KDM5B: variants seen among roughly 807,000 people sequenced by gnomAD.
The protein encoded by KDM5B is lysine demethylase 5B.
In KDM5B, 144 loss-of-function variants were observed where a neutral mutation model predicts 193.4. The ratio of observed to expected loss-of-function variants is 0.74; its 90% CI spans 0.65 to 0.86. The LOEUF (loss-of-function observed/expected upper bound fraction) is 0.86. KDM5B is among the 40% of genes least tolerant of loss of function. The probability of loss-of-function intolerance (pLI) is 0.00; values close to 1 mark genes in which losing one functional copy is unlikely to be tolerated. For synonymous variants in KDM5B, 668 were observed against 682.6 expected, an observed-to-expected ratio of 0.98 and a Z score of 0.33; for missense variants, 1,833 against 1,886.9, an observed-to-expected ratio of 0.97 and a Z score of 0.53.
chr1:202,771,877 G>A (rs1039680724), intron 4 of KDM5B, among the ~76,000 whole-genome samples: 6 of 152,060 alleles, frequency 3.9e-5, no homozygotes, highest in African/African-American at 1.4e-4. Flanking sequence ...ATCGCGCCCG[G>A]CTCACATTCA....
Position 202,728,988 on chromosome 1 carries a change from T to C in KDM5B, c.*48A>G. On this transcript the variant is annotated 3_prime_UTR_variant, in exon 27 of 27. Transcript: ENST00000367265. ...CTGAGATTTGAAGAAATCCTCTTGG[T>C]TGGAGTCCTGAATTACATTAAGTAG... 6.2e-7 allele frequency: 1 copy of C among 1,611,376 alleles called. No individual in the cohort carries two copies. Among genetic ancestry groups the C allele is most frequent in the Non-Finnish European group, 8.5e-7 (1 of 1,177,822 alleles).
intron 9 of KDM5B, among the ~76,000 whole-genome samples, chr1:202,757,569 T>C (rs1427812603): frequency 3.3e-5 from 5 of 152,220 alleles, no homozygotes; most frequent in African/African-American, 1.2e-4. Flanking sequence ...TGGCAAATAT[T>C]ATAACACATA....
chr1:202,807,063 CCTCA>C (rs1251223970), intron 1 of KDM5B: 1 of 152,408 alleles, frequency 6.6e-6, no homozygotes, highest in Admixed American at 6.5e-5. Flanking sequence ...AACACCCACC[CCTCA>C]CTCACTGCCC....
At chr1:202,739,457 T>TTTTTTA (rs1231107862) in intron 20 of KDM5B, among the ~76,000 whole-genome samples, 10 of 151,826 alleles carry the variant, frequency 6.6e-5, no homozygotes, top group Non-Finnish European at 1.5e-4. Context: ...TTTTTTTGCC[T>TTTTTTA]TTTTTATTTT....
rs144326636 is a variant in KDM5B at position 202,791,032 on chromosome 1, A to G, written c.205-13938T>C. On this transcript the variant is annotated intron_variant, in intron 1 of 26. Coordinates refer to ENST00000367265, the MANE Select transcript of KDM5B (RefSeq NM_006618.5). ...TACTTTAAAGAGATAAGGATGTACT[A>G]ATAATACATAGGCATGCTCAATTTA... Among the ~76,000 whole-genome samples, 572 of 152,356 alleles carry G rather than the reference A, an allele frequency of 3.8e-3. 16 individuals are homozygous for G. The highest frequency in any genetic ancestry group is 0.026 in the Admixed American group (401 of 15,308).
chr1:202,764,220 A>G (rs570987014), intron 5 of KDM5B, 75 bp from the exon 6 acceptor site: 2 of 751,900 alleles, frequency 2.7e-6, no homozygotes, highest in African/African-American at 1.8e-5. Flanking sequence ...TGGAATCTCA[A>G]GGTGACTATA....
chr1:202,780,490 A>G (rs12239055), intron 1 of KDM5B, among the ~76,000 whole-genome samples: 102,386 of 152,080 alleles, frequency 0.67, 37,102 homozygotes, highest in Admixed American at 0.82. Context: ...GCGCCTGGCC[A>G]TGACCCAGCA....
Position 202,762,809 on chromosome 1 carries a change from C to T in KDM5B, c.809-1G>A. 6.5e-7 allele frequency: 1 copy of T among 1,540,700 alleles called. No individual in the cohort carries two copies. Among genetic ancestry groups the T allele is most frequent in the Non-Finnish European group, 9.0e-7 (1 of 1,113,962 alleles). ...TTGATGCTACTCTTCATTTCTTTCTCTGTAGGAGGCAATCCAAAATTAGCT... is the reference window on the plus strand; with the variant it reads ...TTGATGCTACTCTTCATTTCTTTCTTTGTAGGAGGCAATCCAAAATTAGCT... On this transcript the variant is annotated splice_acceptor_variant, in intron 6 of 26. Transcript: ENST00000367265. LOFTEE classifies it high-confidence loss of function.
At chr1:202,804,155 AATTG>A (rs1658191886) in intron 1 of KDM5B, among the ~76,000 whole-genome samples, 1 of 152,178 alleles carries the variant, frequency 6.6e-6, no homozygotes, top group Non-Finnish European at 1.5e-5. Context: ...AATGTTCTAC[AATTG>A]ATTGTGGTGA....
At chr1:202,759,432 T>C (rs1241609892) in intron 8 of KDM5B, among the ~76,000 whole-genome samples, 1 of 151,606 alleles carries the variant, frequency 6.6e-6, no homozygotes, top group Non-Finnish European at 1.5e-5. Flanking sequence ...TCCCAGCTAC[T>C]TGGGAGGCTG....
In KDM5B at chr1:202,808,367, C is replaced by G; in HGVS notation, c.-62G>C. On this transcript the variant is annotated 5_prime_UTR_variant, in exon 1 of 27. Coordinates refer to ENST00000367265, the MANE Select transcript of KDM5B (RefSeq NM_006618.5). ...TCCGGGACCGAGGCTGCGAGCTCCG[C>G]TCGGTCCGAGACCCGTGCAGACGCG... 2 of 1,454,278 alleles carry G rather than the reference C, an allele frequency of 1.4e-6. No individual in the cohort carries two copies. Among genetic ancestry groups the G allele is most frequent in the South Asian group, 2.7e-5 (2 of 73,432 alleles). The allele number at this position is 1,454,278 out of a possible 1,614,324, so 90.1% of individuals were successfully genotyped here. A position where few individuals can be genotyped will look rare whatever the true frequency, so the allele number is the denominator to read the frequency against.
At chr1:202,768,661 T>C (rs1656574750) in intron 4 of KDM5B, among the ~76,000 whole-genome samples, 1 of 152,132 alleles carries the variant, frequency 6.6e-6, no homozygotes, top group Non-Finnish European at 1.5e-5. Context: ...ATATTAAACA[T>C]TCTGCTCATT....
chr1:202,746,438 G>C, intron 14 of KDM5B, 115 bp from the exon 15 acceptor site: 1 of 630,540 alleles, frequency 1.6e-6, no homozygotes, highest in East Asian at 2.8e-5. Context: ...TACCAAAATA[G>C]GGATGCATGA....
Position 202,753,082 on chromosome 1 carries a change from T to G in KDM5B, c.1539-15A>C, listed in dbSNP as rs202083862. ...TTGGCTCACCCCTGGAAATAGATTA[T>G]AAAAATAAATCAATCTGCAACACCA... On this transcript the variant is annotated splice_polypyrimidine_tract_variant and intron_variant, in intron 11 of 26. Transcript: ENST00000367265. The G allele has an allele frequency of 2.5e-6, 4 of 1,601,348 alleles. No individual in the cohort carries two copies. The highest frequency in any genetic ancestry group is 3.4e-6 in the Non-Finnish European group (4 of 1,174,842).
intron 1 of KDM5B, among the ~76,000 whole-genome samples, chr1:202,798,470 T>G (rs72752715): frequency 0.017 from 2,597 of 151,894 alleles, 118 homozygotes; most frequent in East Asian, 0.16. Context: ...TGCCTTTTTT[T>G]GGGGTTGCGG....
At position 202,753,032 on chromosome 1, in the gene KDM5B, T is replaced by C. The variant is rs752352373; in HGVS notation, c.1574A>G (p.Tyr525Cys). 8.1e-6 allele frequency: 13 copies of C among 1,614,030 alleles called. No homozygotes were observed. Among genetic ancestry groups the C allele is most frequent in the Admixed American group, 1.7e-5 (1 of 59,998 alleles). The change falls in exon 12 of 27, where the codon TAT becomes TGT. Residue 525 changes from tyrosine to cysteine, a missense_variant. Transcript: ENST00000367265. ...TACATTTTCTAGCTGCTCAGCAGCA[T>C]ACCCTGGGACTCCATACCAGGTTTT... The part of the protein sequence containing the change: ...EPKTWYGVPG[Y>C]AAEQLENVMK...
At chr1:202,730,140 G>A (rs1260729250) in intron 25 of KDM5B, 113 bp from the exon 26 acceptor site, 19 of 971,992 alleles carry the variant, frequency 2.0e-5, no homozygotes, top group Admixed American at 1.2e-4. Context: ...CAATCTACAC[G>A]GGAAAAAAAT....
At chr1:202,741,261 T>C (rs1436710634) in intron 19 of KDM5B, 106 bp downstream of exon 19, 7 of 680,472 alleles carry the variant, frequency 1.0e-5, no homozygotes, top group Non-Finnish European at 1.6e-5. Flanking sequence ...ACATGCATAA[T>C]AACCGCAGCT....
At chr1:202,770,011 T>C (rs1240069425) in intron 4 of KDM5B, among the ~76,000 whole-genome samples, 1 of 152,230 alleles carries the variant, frequency 6.6e-6, no homozygotes, top group Non-Finnish European at 1.5e-5. Flanking sequence ...TCCTATCTCC[T>C]ACTAGTTAGT....
Sources: allele counts gnomAD v4.1 joint callset (sites outside exome capture counted in the v4.1 genomes callset), GRCh38; gene constraint gnomAD v4.1.1; transcripts MANE v1.5; gene names NCBI Gene and HGNC (gene_info 2026-07-23, HGNC 2026-07-21).